BRWD1: variants seen among roughly 807,000 people sequenced by gnomAD.
The protein encoded by BRWD1 is bromodomain and WD repeat domain containing 1.
A neutral mutation model predicts 251.2 loss-of-function variants in BRWD1; 82 were observed. The observed-to-expected ratio is 0.33, with a 90% CI of 0.27 to 0.39. The LOEUF (loss-of-function observed/expected upper bound fraction) is 0.39, where lower values mean the gene tolerates loss of function less well. Among genes scored for constraint, BRWD1 ranks in the 10% least tolerant of loss-of-function variants. The pLI, the probability that BRWD1 is intolerant of heterozygous loss-of-function variation, is 1.00. For synonymous variants in BRWD1, 918 were observed against 902.8 expected (o/e 1.02, Z -0.30); for missense variants, 2,233 against 2,711.6 (o/e 0.82, Z 3.92).
rs536143991 is a variant in BRWD1, at chr21:39,296,598, A to G, written c.350-235T>C. On this transcript the variant is annotated intron_variant, in intron 5 of 40. Transcript: ENST00000342449. ...ATTTGTGTAGCACTTTACAATTCAC[A>G]AAGTGCTTTCAACATACATTAGCTC... 12 of 1,113,114 alleles carry G rather than the reference A, an allele frequency of 1.1e-5. No individual in the cohort carries two copies. In the South Asian group the frequency reaches 4.6e-4, roughly 43 times the overall value. 69.0% of individuals were successfully genotyped at this position (1,113,114 alleles called of 1,614,324 possible). A position where few individuals can be genotyped will look rare whatever the true frequency, so the allele number is the denominator to read the frequency against.
intron 8 of BRWD1, among the ~76,000 whole-genome samples, chr21:39,284,142 T>C (rs1280646944): frequency 1.3e-5 from 2 of 152,226 alleles, no homozygotes; most frequent in Non-Finnish European, 2.9e-5. Context: ...TATGAAAGAA[T>C]GTATTATTTA....
intron 7 of BRWD1, among the ~76,000 whole-genome samples, chr21:39,294,373 C>A (rs963718401): frequency 3.3e-5 from 5 of 152,304 alleles, no homozygotes; most frequent in African/African-American, 1.2e-4. Context: ...AAATGTTAGT[C>A]TAGGCCAGGC....
intron 35 of BRWD1, 100 bp from the exon 36 acceptor site, chr21:39,210,247 G>A (rs186745632): frequency 0.013 from 13,402 of 995,964 alleles, 137 homozygotes; most frequent in Non-Finnish European, 0.016. Context: ...TGGAAGAGAG[G>A]AAAAGGTTAG....
At chr21:39,285,001 TATTGAAGAGATA>T (rs2035587423) in intron 8 of BRWD1, among the ~76,000 whole-genome samples, 1 of 152,210 alleles carries the variant, frequency 6.6e-6, no homozygotes, top group South Asian at 2.1e-4. Context: ...GAAATCAGTA[TATTGAAGAGATA>T]ATTGCACTCC....
rs2033349761 is a variant in BRWD1 at position 39,225,583 on chromosome 21, A to T, written c.3209-386T>A. ...TCCAGCACTGATGATTCTTCGGGATATAGATCAACAGTTCTTTTCTCAAGG... is the reference window on the plus strand; with the variant it reads ...TCCAGCACTGATGATTCTTCGGGATTTAGATCAACAGTTCTTTTCTCAAGG... On this transcript the variant is annotated intron_variant, in intron 27 of 40. Coordinates refer to ENST00000342449, the MANE Select transcript of BRWD1 (RefSeq NM_033656.4). 4.6e-5 allele frequency among the ~76,000 whole-genome samples: 7 copies of T among 152,214 alleles called. No homozygotes were observed. The South Asian group carries it at 1.4e-3, about 32-fold the overall frequency.
chr21:39,239,268 C>T (rs1298456774), intron 21 of BRWD1, among the ~76,000 whole-genome samples: 1 of 152,032 alleles, frequency 6.6e-6, no homozygotes, highest in Non-Finnish European at 1.5e-5. Context: ...CACTCATGGA[C>T]ACATAGATTT....
At chr21:39,286,016 C>CTTTTTTTTTTTTTTTTTTT (rs57151774) in intron 8 of BRWD1, among the ~76,000 whole-genome samples, 3 of 104,806 alleles carry the variant, frequency 2.9e-5, no homozygotes, top group East Asian at 2.5e-4. Context: ...ACCATATGAA[C>CTTTTTTTTTTTTTTTTTTT]TTTTTTTTTT....
chr21:39,314,122 C>T (rs1161835445), upstream of BRWD1: 3 of 456,020 alleles, frequency 6.6e-6, no homozygotes, highest in Non-Finnish European at 8.8e-6. Flanking sequence ...GCGTCTTGCC[C>T]CGCACGGAAG....
rs1211057461 is a variant in BRWD1 at position 39,200,386 on chromosome 21, T to C, written c.4586A>G (p.Glu1529Gly). 2 of 1,610,590 alleles carry C rather than the reference T, an allele frequency of 1.2e-6. No individual in the cohort carries two copies. Among genetic ancestry groups the C allele is most frequent in the Non-Finnish European group, 1.7e-6 (2 of 1,178,874 alleles). Residue 1529 changes from glutamate to glycine, a missense_variant and splice_region_variant, in exon 39 of 41, where the codon GAA (glutamate) becomes GGA (glycine). Physicochemically the swap from Glu to Gly is moderately conservative, Grantham distance 98. This residue lies in a region of BRWD1 where 928 missense variants were observed against 970.0 expected (regional missense o/e 0.96). Coordinates refer to ENST00000342449, the MANE Select transcript of BRWD1 (RefSeq NM_033656.4). ...AGCTAAAGAATCTTCCACTTCACTT[T>C]CTAGGAAAAATAAAGTGTAAATAGT... ...RPITNGSTLS[E>G]SEVEDSLATS... is the part of the protein sequence containing the mutation.
At chr21:39,274,553 G>T (rs2035220339) in intron 12 of BRWD1, 81 bp from the exon 13 acceptor site, 3 of 1,100,834 alleles carry the variant, frequency 2.7e-6, no homozygotes, top group Admixed American at 1.8e-5. Context: ...TGCAAAAAAA[G>T]AATGTAATGA....
intron 19 of BRWD1, among the ~76,000 whole-genome samples, chr21:39,252,992 T>G (rs1162049596): frequency 6.6e-6 from 1 of 152,176 alleles, no homozygotes; most frequent in Non-Finnish European, 1.5e-5. Context: ...GCGGTGACCT[T>G]AAGACTAGAA....
chr21:39,265,498 T>A (rs558095068), intron 15 of BRWD1, among the ~76,000 whole-genome samples: 1 of 152,226 alleles, frequency 6.6e-6, no homozygotes, highest in South Asian at 2.1e-4. Flanking sequence ...AAAAATAAAA[T>A]TGATTTTGGA....
At chr21:39,210,337 T>A (rs2032600519) in intron 35 of BRWD1, among the ~76,000 whole-genome samples, 190 bp from the exon 36 acceptor site, 1 of 152,180 alleles carries the variant, frequency 6.6e-6, no homozygotes, top group African/African-American at 2.4e-5. Flanking sequence ...AAAATGTTAA[T>A]GTCTATTTAT....
intron 21 of BRWD1, among the ~76,000 whole-genome samples, chr21:39,242,135 G>A (rs1265761474): frequency 1.3e-5 from 2 of 152,218 alleles, no homozygotes; most frequent in African/African-American, 2.4e-5. Context: ...CATGGTGAAA[G>A]CCAACACAGG....
At position 39,236,583 on chromosome 21, in the gene BRWD1, C is replaced by T. The variant is rs574256867; in HGVS notation, c.2766+12G>A. ...ATGATACATGCTATTTTTAAAGATA[C>T]GTTTTTCTTACCTCCTTCTTAGGCT... is the stretch of plus-strand genomic sequence containing the variant. On this transcript the variant is annotated intron_variant, in intron 23 of 40. Coordinates refer to ENST00000342449, the MANE Select transcript of BRWD1 (RefSeq NM_033656.4). 6 of 1,565,930 alleles carry T rather than the reference C, an allele frequency of 3.8e-6. No homozygotes were observed. The African/African-American group carries it at 4.1e-5, about 11-fold the overall frequency.
rs1474306740 is a variant in BRWD1, at chr21:39,294,030, A to G, written c.612T>C (p.Gly204=). ...FDRTGHRIFT[G]SDDCLVKIWS... ...AAATCTTTACCAAACAGTCATCTGAACCCTAAGAAAAAATATATCCAAAAA... is the reference window on the plus strand; with the variant it reads ...AAATCTTTACCAAACAGTCATCTGAGCCCTAAGAAAAAATATATCCAAAAA... The change falls in exon 8 of 41, where the codon GGT becomes GGC. Residue 204 remains glycine (G), a splice_region_variant and synonymous_variant. Transcript: ENST00000342449. 3.1e-6 allele frequency: 5 copies of G among 1,611,202 alleles called. No individual in the cohort carries two copies. In the African/African-American group the frequency reaches 5.3e-5, roughly 17 times the overall value.
rs2031424337 is a variant in BRWD1, at chr21:39,189,387, A to G, written c.*6872T>C. On this transcript the variant is annotated 3_prime_UTR_variant, in exon 41 of 41. Transcript: ENST00000342449. Reference sequence around the variant, plus strand: ...TTTGATGTGTGATCAAAGTACCTATACTGACAATTTAGGAACCTAGTAAAT... The same window carrying G: ...TTTGATGTGTGATCAAAGTACCTATGCTGACAATTTAGGAACCTAGTAAAT... 1.0e-6 allele frequency: 1 copy of G among 981,156 alleles called. No homozygotes were observed. The highest frequency in any genetic ancestry group is 1.2e-6 in the Non-Finnish European group (1 of 826,030). The allele number at this position is 981,156 out of a possible 1,614,324, so 60.8% of individuals were successfully genotyped here.
At chr21:39,238,324 G>C (rs1230730119) in intron 22 of BRWD1, among the ~76,000 whole-genome samples, 155 bp downstream of exon 22, 1 of 149,910 alleles carries the variant, frequency 6.7e-6, no homozygotes, top group Non-Finnish European at 1.5e-5. Context: ...TACTCCTATA[G>C]GAACAGCTGT....
Position 39,189,064 on chromosome 21 carries a change from A to G in BRWD1, c.*7195T>C, listed in dbSNP as rs1400963680. ...AAAATTATGAACTAGTATCTCCAAC[A>G]AGTCAACCCTATATCCAAAATGAAT... On this transcript the variant is annotated 3_prime_UTR_variant, in exon 41 of 41. Coordinates refer to ENST00000342449, the MANE Select transcript of BRWD1 (RefSeq NM_033656.4). 1.0e-6 allele frequency: 1 copy of G among 984,364 alleles called. No homozygotes were observed. The highest frequency in any genetic ancestry group is 1.1e-4 in the East Asian group (1 of 8,832). The allele number at this position is 984,364 out of a possible 1,614,324, so 61.0% of individuals were successfully genotyped here.
Sources: gnomAD v4.1 joint callset for allele counts (sites outside exome capture counted in the v4.1 genomes callset) on GRCh38, gnomAD v4.1.1 for gene constraint, gnomAD v4.1.1 regional missense constraint, MANE v1.5 for transcripts, NCBI Gene and HGNC (gene_info 2026-07-23, HGNC 2026-07-21) for gene names.